The following GMDS variants were observed in gnomAD, a reference collection of about 807,000 sequenced individuals.
GMDS encodes the protein GDP-mannose 4,6-dehydratase.
In GMDS, 20 loss-of-function variants were observed where a neutral mutation model predicts 49.9. That is an observed-to-expected ratio of 0.40 (90% CI 0.28 to 0.58). GMDS has a LOEUF of 0.58. Ranked by LOEUF, GMDS falls within the 20% of genes least tolerant of loss-of-function variation. The probability of loss-of-function intolerance (pLI) is 0.42; values close to 1 mark genes in which losing one functional copy is unlikely to be tolerated. For missense variants in GMDS, 362 were observed against 481.4 expected (o/e 0.75, Z 2.32); for synonymous variants, 177 against 178.6 (o/e 0.99, Z 0.07).
At chr6:1,685,565 C>A (rs569529299) in intron 9 of GMDS, among the ~76,000 whole-genome samples, 1 of 152,206 alleles carries the variant, frequency 6.6e-6, no homozygotes, top group South Asian at 2.1e-4. Context: ...CGTCTCCATT[C>A]ATGCCAACAA....
chr6:1,691,850 T>C (rs1347797827), intron 9 of GMDS, among the ~76,000 whole-genome samples: 2 of 152,222 alleles, frequency 1.3e-5, no homozygotes, highest in African/African-American at 2.4e-5. Flanking sequence ...TCAGTGCAGT[T>C]TTTTTCATGT....
chr6:1,900,850 T>C (rs1044638548), intron 7 of GMDS, among the ~76,000 whole-genome samples: 2 of 152,210 alleles, frequency 1.3e-5, no homozygotes, highest in South Asian at 2.1e-4. Flanking sequence ...ACTTTGAAAA[T>C]GTATGTTCCC....
intron 4 of GMDS, among the ~76,000 whole-genome samples, chr6:1,983,919 G>C (rs9503058): frequency 0.39 from 59,310 of 152,060 alleles, 11,662 homozygotes; most frequent in Middle Eastern, 0.45. Context: ...ATACATGCAT[G>C]CGTATGTTCA....
chr6:1,849,052 A>G (rs1757540885), intron 7 of GMDS, among the ~76,000 whole-genome samples: 1 of 152,304 alleles, frequency 6.6e-6, no homozygotes, highest in Admixed American at 6.5e-5. Context: ...ACCTGTCTCC[A>G]GACATTGCTA....
chr6:1,745,348 ACTGTTGG>A (rs1767444719), intron 7 of GMDS, among the ~76,000 whole-genome samples: 1 of 145,226 alleles, frequency 6.9e-6, no homozygotes, highest in Non-Finnish European at 1.5e-5. Flanking sequence ...GAGAAACATG[ACTGTTGG>A]CTACTGGTGG....
chr6:1,769,362 A>T (rs1041709148), intron 7 of GMDS, among the ~76,000 whole-genome samples: 1 of 152,242 alleles, frequency 6.6e-6, no homozygotes, highest in African/African-American at 2.4e-5. Context: ...AAAGAAAATG[A>T]CACTTTAACC....
rs531004532 is a variant in GMDS at position 1,781,766 on chromosome 6, C to T, written c.772-39180G>A. Among the ~76,000 whole-genome samples the T allele has an allele frequency of 2.0e-5, 3 of 152,180 alleles. No homozygotes were observed. The East Asian group carries it at 5.8e-4, about 29-fold the overall frequency. ...TACTGAAAGATGAGTCACCATATTCCAATATTCTTAATGGTCATGGGGGCC... is the reference window on the plus strand; with the variant it reads ...TACTGAAAGATGAGTCACCATATTCTAATATTCTTAATGGTCATGGGGGCC... On this transcript the variant is annotated intron_variant, in intron 7 of 10. Transcript: ENST00000380815.
intron 7 of GMDS, among the ~76,000 whole-genome samples, chr6:1,898,829 G>T (rs995232913): frequency 6.6e-6 from 1 of 152,170 alleles, no homozygotes; most frequent in Non-Finnish European, 1.5e-5. Context: ...CCTATGCTGG[G>T]CCAGAAAGTG....
At chr6:1,835,027 T>C (rs1173979070) in intron 7 of GMDS, among the ~76,000 whole-genome samples, 2 of 152,330 alleles carry the variant, frequency 1.3e-5, no homozygotes, top group African/African-American at 4.8e-5. Context: ...TAATTATTTT[T>C]TTATTTAGAT....
chr6:2,049,056 G>A (rs1266720710), intron 4 of GMDS, among the ~76,000 whole-genome samples: 1 of 152,164 alleles, frequency 6.6e-6, no homozygotes, highest in African/African-American at 2.4e-5. Context: ...ATGGGGACAC[G>A]ACAAGGAAGG....
chr6:1,835,361 C>T (rs1421019048), intron 7 of GMDS, among the ~76,000 whole-genome samples: 3 of 152,196 alleles, frequency 2.0e-5, no homozygotes, highest in Admixed American at 6.5e-5. Flanking sequence ...CGGCTTTGCT[C>T]TCCTTTCCCA....
chr6:2,236,561 T>C (rs760289815), intron 1 of GMDS, among the ~76,000 whole-genome samples: 8 of 152,222 alleles, frequency 5.3e-5, no homozygotes, highest in Non-Finnish European at 1.2e-4. Context: ...CGTTTATCAA[T>C]ATTGATCACC....
intron 4 of GMDS, among the ~76,000 whole-genome samples, chr6:2,113,295 C>G (rs1774653804): frequency 6.6e-6 from 1 of 152,054 alleles, no homozygotes; most frequent in Non-Finnish European, 1.5e-5. Context: ...TCACTCCCAC[C>G]CCCATTTCTA....
chr6:2,189,326 G>C (rs556355340), intron 1 of GMDS, among the ~76,000 whole-genome samples: 1 of 152,170 alleles, frequency 6.6e-6, no homozygotes, highest in South Asian at 2.1e-4. Flanking sequence ...GTGCAGATGG[G>C]TTGTTTTACC....
chr6:2,225,908 C>T (rs1197897260), intron 1 of GMDS, among the ~76,000 whole-genome samples: 1 of 152,178 alleles, frequency 6.6e-6, no homozygotes, highest in African/African-American at 2.4e-5. Flanking sequence ...CAGACCTCGA[C>T]CACAGGAGAG....
At chr6:1,804,947 T>C (rs1217530121) in intron 7 of GMDS, among the ~76,000 whole-genome samples, 1 of 152,206 alleles carries the variant, frequency 6.6e-6, no homozygotes, top group Admixed American at 6.5e-5. Flanking sequence ...AGGAAAAACC[T>C]TGGTCTCTAA....
At chr6:2,117,720 C>T (rs763356264) in intron 2 of GMDS, among the ~76,000 whole-genome samples, 164 bp from the exon 3 acceptor site, 6 of 152,176 alleles carry the variant, frequency 3.9e-5, no homozygotes, top group Non-Finnish European at 8.8e-5. Context: ...CCACCAGCTA[C>T]GAACATCCTA....
Position 2,245,563 on chromosome 6 carries a change from C to G in GMDS, c.-141G>C, listed in dbSNP as rs1781832534. The G allele has an allele frequency of 9.1e-6, 4 of 437,404 alleles. No individual in the cohort carries two copies. In the East Asian group the frequency reaches 1.6e-4, roughly 18 times the overall value. 27.1% of individuals were successfully genotyped at this position (437,404 alleles called of 1,614,324 possible). On this transcript the variant is annotated 5_prime_UTR_variant, in exon 1 of 11. Coordinates refer to ENST00000380815, the MANE Select transcript of GMDS (RefSeq NM_001500.4). ...GAGGGAGAGCGCACCGCGCGACCGG[C>G]CGCCACAGTCTGACAGGGGCGCACG... is the stretch of plus-strand genomic sequence containing the variant.
chr6:2,166,980 A>AGAT (rs1483687618), intron 1 of GMDS, among the ~76,000 whole-genome samples: 5 of 152,220 alleles, frequency 3.3e-5, no homozygotes, highest in Non-Finnish European at 5.9e-5. Flanking sequence ...CTCTACAAAT[A>AGAT]GATGATTCAA....
Sources: gnomAD v4.1 joint callset for allele counts (sites outside exome capture counted in the v4.1 genomes callset) on GRCh38, gnomAD v4.1.1 for gene constraint, MANE v1.5 for transcripts, NCBI Gene and HGNC (gene_info 2026-07-23, HGNC 2026-07-21) for gene names.